Variants in KAT6A observed in about 807,000 individuals in gnomAD.
The protein encoded by KAT6A is histone acetyltransferase KAT6A.
In KAT6A, 9 loss-of-function variants were observed where a neutral mutation model predicts 198.4. The ratio of observed to expected loss-of-function variants is 0.05; its 90% CI spans 0.03 to 0.08. The LOEUF is 0.08. KAT6A is among the 10% of genes least tolerant of loss of function. The pLI, the probability that KAT6A is intolerant of heterozygous loss-of-function variation, is 1.00. For missense variants in KAT6A, 2,077 were observed against 2,509.9 expected (o/e 0.83, Z 3.69); for synonymous variants, 890 against 883.0 (o/e 1.01, Z -0.14).
chr8:41,976,864 AT>A, intron 7 of KAT6A, 143 bp downstream of exon 7: 2 of 691,344 alleles, frequency 2.9e-6, no homozygotes, highest in South Asian at 5.4e-5. Flanking sequence ...CCTCAGTATC[AT>A]CTACATGTTT....
At chr8:41,977,353 T>G (rs1824113142) in intron 6 of KAT6A, 26 bp from the exon 7 acceptor site, 1 of 1,554,614 alleles carries the variant, frequency 6.4e-7, no homozygotes, top group Non-Finnish European at 8.8e-7. Context: ...GGGGAAAGGG[T>G]AAGTATTAAA....
intron 14 of KAT6A, chr8:41,942,576 A>G (rs933388061): frequency 5.4e-6 from 3 of 557,858 alleles, no homozygotes; most frequent in African/African-American, 3.7e-5. Flanking sequence ...ACATTATAAG[A>G]AATTTGATGG....
rs764533676 is a variant in KAT6A at position 41,987,516 on chromosome 8, T to C, written c.648A>G (p.Lys216=). 2.7e-5 allele frequency: 44 copies of C among 1,613,748 alleles called. No individual in the cohort carries two copies. The Admixed American group carries it at 7.2e-4, about 26-fold the overall frequency. ...IPICSFCLGT[K]EQNREKKPEE... ...CTGGCTTCTTTTCTCGGTTTTGTTC[T>C]TTTGTACCAAGACAGAAACTACAGA... Residue 216 remains lysine (K), a synonymous_variant, in exon 3 of 17, where the codon AAA becomes AAG. Transcript: ENST00000265713.
intron 2 of KAT6A, among the ~76,000 whole-genome samples, chr8:41,992,557 T>C (rs16890985): frequency 0.1 from 15,897 of 152,164 alleles, 1,065 homozygotes; most frequent in East Asian, 0.24. Context: ...GGTGAGAGCA[T>C]GGAAAAGTCA....
In KAT6A at chr8:41,933,475, G is replaced by A. The variant is rs1208025326; in HGVS notation, c.4745C>T (p.Ser1582Phe). 4.3e-6 allele frequency: 7 copies of A among 1,613,354 alleles called. No individual in the cohort carries two copies. Among genetic ancestry groups the A allele is most frequent in the Non-Finnish European group, 5.9e-6 (7 of 1,179,572 alleles). The part of the protein sequence containing the change: ...TMGGSICGNS[S>F]SQSSCSYGGL... ...ACCGTAGGAGCAGCTGCTCTGGGAA[G>A]AGCTGTTCCCACAGATGCTGCCGCC... The change falls in exon 17 of 17, where the codon TCT becomes TTT. Residue 1582 changes from serine (S) to phenylalanine (F), a missense_variant. Physicochemically the swap from Ser to Phe is radical, Grantham distance 155. This residue lies in a region of KAT6A where 500 missense variants were observed against 577.2 expected (regional missense o/e 0.87). Transcript: ENST00000265713. The surrounding 1 kb of genome is among the most constrained non-coding windows in gnomAD (Gnocchi z 6.2).
At position 41,932,787 on chromosome 8, in the gene KAT6A, C is replaced by T. The variant is rs149581969; in HGVS notation, c.5433G>A (p.Thr1811=). ...TAGTGGATGCCAAGTTTGGGGGTGGCGTCATGGTGGCTTGTGCTTGAGGAG... is the reference window on the plus strand; with the variant it reads ...TAGTGGATGCCAAGTTTGGGGGTGGTGTCATGGTGGCTTGTGCTTGAGGAG... ...AGTPQAQATM[T]PPPNLASTTM... is the part of the protein sequence containing the mutation. Residue 1811 remains threonine, a synonymous_variant, in exon 17 of 17, where the codon ACG becomes ACA. Transcript: ENST00000265713. The T allele has an allele frequency of 4.3e-6, 7 of 1,613,912 alleles. No individual in the cohort carries two copies. Among genetic ancestry groups the T allele is most frequent in the Admixed American group, 1.7e-5 (1 of 59,992 alleles).
At chr8:42,026,158 G>A (rs1826801753) in intron 2 of KAT6A, among the ~76,000 whole-genome samples, 1 of 152,148 alleles carries the variant, frequency 6.6e-6, no homozygotes, top group Non-Finnish European at 1.5e-5. Context: ...ATACCTTGCT[G>A]AATTGGTTAC....
At chr8:42,011,814 A>G (rs1008586064) in intron 2 of KAT6A, among the ~76,000 whole-genome samples, 28 of 152,132 alleles carry the variant, frequency 1.8e-4, no homozygotes, top group Admixed American at 1.8e-3. Flanking sequence ...AGAGGATTAT[A>G]AAAGCACAAA....
Position 42,038,067 on chromosome 8 carries a change from A to C in KAT6A, c.600+10311T>G, listed in dbSNP as rs1324305734. Among the ~76,000 whole-genome samples, 3 of 152,198 alleles carry C rather than the reference A, an allele frequency of 2.0e-5. No homozygotes were observed. In the East Asian group the frequency reaches 5.8e-4, roughly 29 times the overall value. ...TGTCTTTGGTAAAAATTACTTCATTAATTAATAGAAAGGTTTGTACCTTGC... is the reference window on the plus strand; with the variant it reads ...TGTCTTTGGTAAAAATTACTTCATTCATTAATAGAAAGGTTTGTACCTTGC... On this transcript the variant is annotated intron_variant, in intron 2 of 16. Coordinates refer to ENST00000265713, the MANE Select transcript of KAT6A (RefSeq NM_006766.5).
chr8:41,998,374 G>A (rs748034653), intron 2 of KAT6A, among the ~76,000 whole-genome samples: 26 of 152,062 alleles, frequency 1.7e-4, no homozygotes, highest in Non-Finnish European at 1.8e-4. Context: ...TTCATACTTT[G>A]AGAAAGCTGA....
At chr8:41,960,366 G>C (rs1163742009) in intron 8 of KAT6A, among the ~76,000 whole-genome samples, 1 of 151,896 alleles carries the variant, frequency 6.6e-6, no homozygotes, top group East Asian at 1.9e-4. Context: ...GATCACGATC[G>C]AGACCATCCT....
intron 8 of KAT6A, among the ~76,000 whole-genome samples, chr8:41,972,709 T>C (rs1823858250): frequency 6.6e-6 from 1 of 152,226 alleles, no homozygotes; most frequent in Non-Finnish European, 1.5e-5. Flanking sequence ...TAGATAATAG[T>C]ACTTAATTTG....
Position 42,045,921 on chromosome 8 carries a change from G to A in KAT6A, c.600+2457C>T, listed in dbSNP as rs139386888. ...AATCGCTTGAACCCGGGAGGCGAAGGTTGCAGTGAGCTGAGATCACACCAC... is the reference window on the plus strand; with the variant it reads ...AATCGCTTGAACCCGGGAGGCGAAGATTGCAGTGAGCTGAGATCACACCAC... On this transcript the variant is annotated intron_variant, in intron 2 of 16. Coordinates refer to ENST00000265713, the MANE Select transcript of KAT6A (RefSeq NM_006766.5). Among the ~76,000 whole-genome samples, 619 of 152,068 alleles carry A rather than the reference G, an allele frequency of 4.1e-3. 4 individuals carry two copies. The highest frequency in any genetic ancestry group is 0.014 in the Middle Eastern group (4 of 292).
chr8:41,952,991 G>GAAGTTGATGAATTTTAC (rs1822740150), intron 9 of KAT6A, among the ~76,000 whole-genome samples: 1 of 152,072 alleles, frequency 6.6e-6, no homozygotes, highest in Non-Finnish European at 1.5e-5. Context: ...ACTGCTTAAG[G>GAAGTTGATGAATTTTAC]AAGTTGATGA....
Position 41,929,817 on chromosome 8 carries a change from T to C in KAT6A, c.*2388A>G, listed in dbSNP as rs1177941295. ...GATCTCTTTAAAGAGAATTTATCTT[T>C]CTTAAAATAGTTTTTAATATTCTAC... On this transcript the variant is annotated 3_prime_UTR_variant, in exon 17 of 17. Coordinates refer to ENST00000265713, the MANE Select transcript of KAT6A (RefSeq NM_006766.5). 2 of 197,740 alleles carry C rather than the reference T, an allele frequency of 1.0e-5. No homozygotes were observed. The highest frequency in any genetic ancestry group is 2.1e-5 in the Non-Finnish European group (2 of 95,570). The allele number at this position is 197,740 out of a possible 1,614,324, so 12.2% of individuals were successfully genotyped here.
At chr8:42,006,429 A>G (rs912627490) in intron 2 of KAT6A, among the ~76,000 whole-genome samples, 1 of 152,208 alleles carries the variant, frequency 6.6e-6, no homozygotes, top group African/African-American at 2.4e-5. Context: ...ACGTCACCTC[A>G]GGTTGGGTAT....
At chr8:41,946,491 T>TATACAC (rs869046491) in intron 12 of KAT6A, 100 bp downstream of exon 12, 1 of 463,648 alleles carries the variant, frequency 2.2e-6, no homozygotes, top group Non-Finnish European at 3.6e-6. Flanking sequence ...AATATATATA[T>TATACAC]ATACACACAC....
At chr8:41,980,737 C>G (rs1824310463) in intron 5 of KAT6A, 109 bp downstream of exon 5, 19 of 839,572 alleles carry the variant, frequency 2.3e-5, no homozygotes. Context: ...CTTATACAAC[C>G]TCAAAAAGAA....
chr8:41,983,875 G>C (rs1564041328), intron 3 of KAT6A, among the ~76,000 whole-genome samples: 1 of 152,168 alleles, frequency 6.6e-6, no homozygotes, highest in Admixed American at 6.5e-5. Context: ...ATTACTACTT[G>C]AGTAAAACAC....
Sources: gnomAD v4.1 joint callset for allele counts (sites outside exome capture counted in the v4.1 genomes callset) on GRCh38, gnomAD v4.1.1 for gene constraint, gnomAD v4.1.1 regional missense constraint, Gnocchi (gnomAD v3.1) non-coding constraint, MANE v1.5 for transcripts, NCBI Gene and HGNC (gene_info 2026-07-23, HGNC 2026-07-21) for gene names.